PEBP4: variants seen among roughly 807,000 people sequenced by gnomAD.
PEBP4 encodes phosphatidylethanolamine-binding protein 4.
In PEBP4, 22 loss-of-function variants were observed where a neutral mutation model predicts 23.9. The ratio of observed to expected loss-of-function variants is 0.92; its 90% CI spans 0.66 to 1.31. The LOEUF (loss-of-function observed/expected upper bound fraction) is 1.31. PEBP4 is among the 40% of genes most tolerant of loss of function. The probability of loss-of-function intolerance (pLI) is 0.00; values close to 1 mark genes in which losing one functional copy is unlikely to be tolerated. For synonymous variants in PEBP4, 112 were observed against 99.3 expected (o/e 1.13, Z -0.76); for missense variants, 324 against 281.7 (o/e 1.15, Z -1.07).
chr8:22,791,011 G>A (rs1182788465), intron 4 of PEBP4, among the ~76,000 whole-genome samples: 1 of 152,164 alleles, frequency 6.6e-6, no homozygotes, highest in Non-Finnish European at 1.5e-5. Context: ...CTGAGGGGAG[G>A]TGGGGGTGGT....
intron 4 of PEBP4, among the ~76,000 whole-genome samples, chr8:22,803,910 G>A (rs1806440990): frequency 6.6e-6 from 1 of 152,186 alleles, no homozygotes. Flanking sequence ...TTCTGAGGCT[G>A]CTCTCTCCAT....
Position 22,848,401 on chromosome 8 carries a change from CA to C in PEBP4, c.259-30667del, listed in dbSNP as rs113395572. ...AGGGTGGTGGCGATGTGGGCTGTGC[CA>C]GGGGAGGATGAGTGTGTGGGACCAG... On this transcript the variant is annotated intron_variant, in intron 3 of 6. Coordinates refer to ENST00000256404, the MANE Select transcript of PEBP4 (RefSeq NM_144962.3). 6.1e-3 allele frequency among the ~76,000 whole-genome samples: 933 copies of C among 151,954 alleles called. 14 individuals carry two copies. Among genetic ancestry groups the C allele is most frequent in the African/African-American group, 0.022 (893 of 41,400 alleles).
intron 4 of PEBP4, among the ~76,000 whole-genome samples, chr8:22,804,428 G>A (rs1006294149): frequency 3.3e-5 from 5 of 152,050 alleles, no homozygotes; most frequent in South Asian, 2.1e-4. Flanking sequence ...GATAAAGACC[G>A]GACATTGGCG....
chr8:22,785,974 A>T (rs1026551466), intron 4 of PEBP4, among the ~76,000 whole-genome samples: 2 of 152,188 alleles, frequency 1.3e-5, no homozygotes, highest in Admixed American at 6.5e-5. Context: ...GCTTTCTCGA[A>T]CGTCAAGTAG....
intron 4 of PEBP4, among the ~76,000 whole-genome samples, chr8:22,799,800 G>T (rs551289971): frequency 2.0e-5 from 3 of 152,066 alleles, no homozygotes; most frequent in African/African-American, 4.8e-5. Context: ...GAGAACACGC[G>T]GTGTAAGGAT....
At chr8:22,884,421 C>G (rs761361151) in intron 3 of PEBP4, 1 of 152,198 alleles carries the variant, frequency 6.6e-6, no homozygotes, top group Non-Finnish European at 1.5e-5. Flanking sequence ...TGCTGCTGAG[C>G]CTATTAGAAT....
chr8:22,735,100 G>T (rs1307335755), intron 4 of PEBP4, among the ~76,000 whole-genome samples: 1 of 152,236 alleles, frequency 6.6e-6, no homozygotes, highest in Non-Finnish European at 1.5e-5. Context: ...GAGATGGGTA[G>T]ATGAATGAAT....
intron 3 of PEBP4, chr8:22,885,629 A>C (rs1268668119): frequency 2.6e-5 from 4 of 152,232 alleles, no homozygotes; most frequent in Non-Finnish European, 4.4e-5. Flanking sequence ...CCCAGCTTAG[A>C]AGGACACAAG....
At chr8:22,744,756 G>T (rs909260837) in intron 4 of PEBP4, 2 of 152,280 alleles carry the variant, frequency 1.3e-5, no homozygotes, top group Admixed American at 1.3e-4. Context: ...GTCACTTGGG[G>T]GTTGGGCCAT....
chr8:22,736,467 G>A (rs1323192650), intron 4 of PEBP4, among the ~76,000 whole-genome samples: 3 of 152,116 alleles, frequency 2.0e-5, no homozygotes, highest in Admixed American at 6.5e-5. Flanking sequence ...TTAACCAGAC[G>A]AGGTGGTGTG....
At chr8:22,808,725 G>A (rs772469108) in intron 4 of PEBP4, among the ~76,000 whole-genome samples, 2 of 152,216 alleles carry the variant, frequency 1.3e-5, no homozygotes, top group Admixed American at 6.5e-5. Context: ...CCCACTTGGA[G>A]TTGACTAAAC....
At chr8:22,849,879 G>A (rs1807515683) in intron 3 of PEBP4, among the ~76,000 whole-genome samples, 1 of 152,224 alleles carries the variant, frequency 6.6e-6, no homozygotes, top group Admixed American at 6.5e-5. Context: ...CAACTGGTTT[G>A]TGAGTGGGGT....
rs1807968258 is a variant in PEBP4, at chr8:22,869,524, A to G, written c.258+50660T>C. Among the ~76,000 whole-genome samples the G allele has an allele frequency of 2.0e-5, 3 of 152,198 alleles. 1 individual carries two copies. Among genetic ancestry groups the G allele is most frequent in the South Asian group, 4.1e-4 (2 of 4,830 alleles). ...GCTCATGGACTTTCCCCAGGAAGCC[A>G]TGCTCCCCCATAGCTGCTCTTGTTT... is the stretch of plus-strand genomic sequence containing the variant. On this transcript the variant is annotated intron_variant, in intron 3 of 6. Transcript: ENST00000256404.
chr8:22,747,318 T>G (rs1003315298), intron 4 of PEBP4, among the ~76,000 whole-genome samples: 2 of 152,194 alleles, frequency 1.3e-5, no homozygotes, highest in African/African-American at 4.8e-5. Flanking sequence ...GCTCTGTCCC[T>G]TCCTCAAGTG....
intron 4 of PEBP4, among the ~76,000 whole-genome samples, chr8:22,748,538 C>A (rs1285409846): frequency 6.6e-6 from 1 of 151,630 alleles, no homozygotes; most frequent in Admixed American, 6.6e-5. Flanking sequence ...AGTCCTTAGG[C>A]TCCACTTGCT....
At chr8:22,753,430 ACT>A (rs1334097001) in intron 4 of PEBP4, among the ~76,000 whole-genome samples, 2 of 152,260 alleles carry the variant, frequency 1.3e-5, no homozygotes, top group African/African-American at 4.8e-5. Flanking sequence ...TGTGCCTCAA[ACT>A]CTCTTGAAAA....
intron 3 of PEBP4, among the ~76,000 whole-genome samples, chr8:22,830,113 TTGTGTGTG>T (rs3060706): frequency 9.0e-5 from 13 of 144,252 alleles, no homozygotes; most frequent in Admixed American, 2.1e-4. Flanking sequence ...GGCTGTGGTT[TTGTGTGTG>T]TGTGTGTGTG....
chr8:22,851,713 G>T (rs1807554365), intron 3 of PEBP4, among the ~76,000 whole-genome samples: 1 of 152,178 alleles, frequency 6.6e-6, no homozygotes, highest in South Asian at 2.1e-4. Context: ...CTGGGAAAAG[G>T]GGGCATTAAA....
At chr8:22,747,897 G>A (rs887181837) in intron 4 of PEBP4, among the ~76,000 whole-genome samples, 58 of 152,320 alleles carry the variant, frequency 3.8e-4, no homozygotes, top group South Asian at 3.3e-3. Flanking sequence ...GCACTGTGGA[G>A]CAGGAGCCCA....
Sources: gnomAD v4.1 joint callset for allele counts (sites outside exome capture counted in the v4.1 genomes callset) on GRCh38, gnomAD v4.1.1 for gene constraint, MANE v1.5 for transcripts, NCBI Gene and HGNC (gene_info 2026-07-23, HGNC 2026-07-21) for gene names.